Variants in PLCD1 observed in about 807,000 individuals in gnomAD.
PLCD1 encodes phospholipase C delta 1.
In PLCD1, 71 loss-of-function variants were observed where a neutral mutation model predicts 87.4. The ratio of observed to expected loss-of-function variants is 0.81; its 90% CI spans 0.67 to 0.99. The LOEUF is 0.99. Ranked by LOEUF, PLCD1 falls within the 50% of genes least tolerant of loss-of-function variation. PLCD1 has a pLI of 0.00. For synonymous variants in PLCD1, 348 were observed against 399.2 expected (o/e 0.87, Z 1.53); for missense variants, 867 against 1,001.5 (o/e 0.87, Z 1.81).
intron 5 of PLCD1, 50 bp downstream of exon 5, chr3:38,011,164 C>G (rs377416923): frequency 2.1e-6 from 3 of 1,442,086 alleles, no homozygotes; most frequent in African/African-American, 1.4e-5. Context: ...GGTCTCCCAG[C>G]CCAGTGCGGC....
chr3:38,013,639 T>C (rs1296297950), intron 3 of PLCD1, among the ~76,000 whole-genome samples: 1 of 152,222 alleles, frequency 6.6e-6, no homozygotes, highest in Non-Finnish European at 1.5e-5. Flanking sequence ...ATAAACAGCT[T>C]TAATGACTGT....
At position 38,007,538 on chromosome 3, in the gene PLCD1, TG is replaced by T. The variant is rs57208122; in HGVS notation, c.*234del. ...TTTATAAAAATCCTTGACCACTCGCTGGCCGGAGGGTGGAGAGGGCTGCAGT... is the reference window on the plus strand; with the variant it reads ...TTTATAAAAATCCTTGACCACTCGCTGCCGGAGGGTGGAGAGGGCTGCAGT... On this transcript the variant is annotated 3_prime_UTR_variant, in exon 15 of 15. Coordinates refer to ENST00000334661, the MANE Select transcript of PLCD1 (RefSeq NM_006225.4). The T allele has an allele frequency of 0.17, 116,637 of 675,396 alleles. 12,919 individuals carry two copies. The highest frequency in any genetic ancestry group is 0.38 in the African/African-American group (21,613 of 56,184). The allele number at this position is 675,396 out of a possible 1,614,324, so 41.8% of individuals were successfully genotyped here. A position where few individuals can be genotyped will look rare whatever the true frequency, so the allele number is the denominator to read the frequency against.
chr3:38,027,713 C>T (rs1216888464), intron 1 of PLCD1, among the ~76,000 whole-genome samples: 1 of 152,254 alleles, frequency 6.6e-6, no homozygotes, highest in Non-Finnish European at 1.5e-5. Context: ...CACTGTGAAA[C>T]GGATGCAGAC....
In PLCD1 at chr3:38,016,694, C is replaced by A; in HGVS notation, c.225G>T (p.Val75=). Residue 75 remains valine (V), a synonymous_variant, in exon 3 of 15, where the codon GTG becomes GTT. Coordinates refer to ENST00000334661, the MANE Select transcript of PLCD1 (RefSeq NM_006225.4). ...QLFSIEDIQE[V]RMGHRTEGLE... is the part of the protein sequence containing the mutation. ...GACCCTCCGTGCGGTGCCCCATTCG[C>A]ACCTCCTGAATGTCCTCGATGGAGA... 1 of 1,565,966 alleles carries A rather than the reference C, an allele frequency of 6.4e-7. No homozygotes were observed. The highest frequency in any genetic ancestry group is 1.2e-5 in the South Asian group (1 of 85,664).
Position 38,009,159 on chromosome 3 carries a change from C to T in PLCD1, c.1607-1G>A. On this transcript the variant is annotated splice_acceptor_variant, in intron 10 of 14. Transcript: ENST00000334661. LOFTEE classifies it high-confidence loss of function. ...ACGTTGTGGCGGACAAAGCCGTTTC[C>T]TGAGGGGAGGTGTGGTTCGGTCAGC... is the stretch of plus-strand genomic sequence containing the variant. The T allele has an allele frequency of 6.2e-7, 1 of 1,614,126 alleles. No homozygotes were observed. The highest frequency in any genetic ancestry group is 8.5e-7 in the Non-Finnish European group (1 of 1,179,984).
rs373166578 is a variant in PLCD1 at position 38,008,410 on chromosome 3, C to T, written c.1903-43G>A. The T allele has an allele frequency of 3.7e-5, 59 of 1,614,110 alleles. No homozygotes were observed. In the Admixed American group the frequency reaches 5.3e-4, roughly 15 times the overall value. On this transcript the variant is annotated intron_variant, in intron 12 of 14. Transcript: ENST00000334661. ...ACAATGGACAGTTCAGGAGTGGTAGCGGGGAAGGGAGGTCCGTGGGCACCT... is the reference window on the plus strand; with the variant it reads ...ACAATGGACAGTTCAGGAGTGGTAGTGGGGAAGGGAGGTCCGTGGGCACCT...
intron 3 of PLCD1, chr3:38,014,536 C>A (rs1575351212): frequency 6.5e-6 from 1 of 153,632 alleles, no homozygotes; most frequent in East Asian, 1.9e-4. Context: ...TCATCAAAAC[C>A]AAAAACTTTT....
intron 1 of PLCD1, chr3:38,024,447 G>T (rs1700279643): frequency 6.2e-7 from 1 of 1,605,216 alleles, no homozygotes; most frequent in East Asian, 2.3e-5. Flanking sequence ...CCTCCACAGT[G>T]CCCCTGCCTG....
Position 38,016,594 on chromosome 3 carries a change from C to T in PLCD1, c.325G>A (p.Asp109Asn). The change falls in exon 3 of 15, where the codon GAC becomes AAC. Residue 109 changes from aspartate to asparagine, a missense_variant. Asp to Asn is a conservative substitution (Grantham distance 23). Transcript: ENST00000334661. ...IVFKDQRNTLDLIAPSPADAQ... is the reference protein window; with the variant it reads ...IVFKDQRNTLNLIAPSPADAQ... Reference sequence around the variant, plus strand: ...TCAGCTGGCGATGGGGCGATGAGGTCTAGTGTATTGCGCTGGTCCTTGAAG... The same window carrying T: ...TCAGCTGGCGATGGGGCGATGAGGTTTAGTGTATTGCGCTGGTCCTTGAAG... 1.2e-6 allele frequency: 2 copies of T among 1,613,908 alleles called. No homozygotes were observed. The highest frequency in any genetic ancestry group is 2.2e-5 in the South Asian group (2 of 91,018).
Position 38,025,135 on chromosome 3 carries a change from G to C in PLCD1, c.34+4371C>G, listed in dbSNP as rs1462881687. Among the ~76,000 whole-genome samples the C allele has an allele frequency of 1.3e-5, 2 of 152,224 alleles. No individual in the cohort carries two copies. Among genetic ancestry groups the C allele is most frequent in the Non-Finnish European group, 2.9e-5 (2 of 68,040 alleles). On this transcript the variant is annotated intron_variant, in intron 1 of 14. Transcript: ENST00000334661. This position sits in a 1 kb window ranked among gnomAD's most constrained non-coding sequence, Gnocchi z 4.0. ...GCCATACCCAGGAAGCAGCCCGGGG[G>C]CGGGGCCAGGGCCCAGGAGGCGAGC...
rs1004059423 is a variant in PLCD1 at position 38,017,815 on chromosome 3, C to T, written c.200-1096G>A. 3.3e-5 allele frequency among the ~76,000 whole-genome samples: 5 copies of T among 152,222 alleles called. No individual in the cohort carries two copies. The highest frequency in any genetic ancestry group is 3.2e-3 in the Middle Eastern group (1 of 316). ...GGCCCACAGATGTAACATGTGCCAGCCTGGGCTGCAGGCTTTGAGGAGTGG... is the reference window on the plus strand; with the variant it reads ...GGCCCACAGATGTAACATGTGCCAGTCTGGGCTGCAGGCTTTGAGGAGTGG... On this transcript the variant is annotated intron_variant, in intron 2 of 14. Coordinates refer to ENST00000334661, the MANE Select transcript of PLCD1 (RefSeq NM_006225.4). This position sits in a 1 kb window ranked among gnomAD's most constrained non-coding sequence, Gnocchi z 4.7.
chr3:38,017,188 T>C lies in PLCD1; in HGVS notation c.200-469A>G, dbSNP rs1700171280. Among the ~76,000 whole-genome samples, 1 of 151,950 alleles carries C rather than the reference T, an allele frequency of 6.6e-6. No individual in the cohort carries two copies. The highest frequency in any genetic ancestry group is 6.5e-5 in the Admixed American group (1 of 15,270). Reference sequence around the variant, plus strand: ...GCACCCTTCTGACTGTATTGGACTTTGGGTCTGTCCTGACCCGATAAAGCC... The same window carrying C: ...GCACCCTTCTGACTGTATTGGACTTCGGGTCTGTCCTGACCCGATAAAGCC... On this transcript the variant is annotated intron_variant, in intron 2 of 14. Transcript: ENST00000334661. This position sits in a 1 kb window ranked among gnomAD's most constrained non-coding sequence, Gnocchi z 4.7.
chr3:38,010,327 C>G, intron 6 of PLCD1, 34 bp downstream of exon 6: 1 of 1,614,188 alleles, frequency 6.2e-7, no homozygotes, highest in African/African-American at 1.3e-5. Flanking sequence ...CGGGTCCCAC[C>G]CAGACTCCCG....
rs1700262149 is a variant in PLCD1, at chr3:38,023,389, C to A, written c.35-3037G>T. Among the ~76,000 whole-genome samples the A allele has an allele frequency of 2.0e-5, 3 of 152,096 alleles. No homozygotes were observed. In the South Asian group the frequency reaches 6.2e-4, roughly 32 times the overall value. On this transcript the variant is annotated intron_variant, in intron 1 of 14. Coordinates refer to ENST00000334661, the MANE Select transcript of PLCD1 (RefSeq NM_006225.4). ...CACACAACATATAGTGCCAGAGCATCATGATGATGATGATAGAGGCTCCCA... is the reference window on the plus strand; with the variant it reads ...CACACAACATATAGTGCCAGAGCATAATGATGATGATGATAGAGGCTCCCA...
intron 3 of PLCD1, among the ~76,000 whole-genome samples, chr3:38,015,153 A>G (rs970421227): frequency 2.0e-5 from 3 of 152,252 alleles, no homozygotes; most frequent in Admixed American, 1.3e-4. Context: ...TGTTAATATC[A>G]GCATTCTTCA....
At chr3:38,011,502 G>C in intron 4 of PLCD1, 42 bp downstream of exon 4, 1 of 1,613,954 alleles carries the variant, frequency 6.2e-7, no homozygotes, top group Non-Finnish European at 8.5e-7. Flanking sequence ...GGGGTCAAGG[G>C]CCCCATGGAC....
intron 1 of PLCD1, chr3:38,024,771 A>G (rs1234601409): frequency 7.7e-7 from 1 of 1,290,886 alleles, no homozygotes; most frequent in South Asian, 1.4e-5. Context: ...AGAATACAGG[A>G]GGCGGGACGA....
In PLCD1 at chr3:38,025,209, G is replaced by T. The variant is rs1026170287; in HGVS notation, c.34+4297C>A. Among the ~76,000 whole-genome samples the T allele has an allele frequency of 6.6e-6, 1 of 152,102 alleles. No homozygotes were observed. The highest frequency in any genetic ancestry group is 2.4e-5 in the African/African-American group (1 of 41,418). On this transcript the variant is annotated intron_variant, in intron 1 of 14. Transcript: ENST00000334661. This position sits in a 1 kb window ranked among gnomAD's most constrained non-coding sequence, Gnocchi z 4.0. ...GGCGGTGTCCAGGCAGGGAGGGGCGGTCCCTCGGCTTTGGAGGCGGTGCGG... is the reference window on the plus strand; with the variant it reads ...GGCGGTGTCCAGGCAGGGAGGGGCGTTCCCTCGGCTTTGGAGGCGGTGCGG...
At chr3:38,010,838 GC>G (rs1222719875) in intron 5 of PLCD1, among the ~76,000 whole-genome samples, 1 of 152,166 alleles carries the variant, frequency 6.6e-6, no homozygotes, top group African/African-American at 2.4e-5. Context: ...CCAGACTGGA[GC>G]CCCCTCCAGG....
Sources: allele counts gnomAD v4.1 joint callset (sites outside exome capture counted in the v4.1 genomes callset), GRCh38; gene constraint gnomAD v4.1.1; non-coding constraint Gnocchi (gnomAD v3.1); transcripts MANE v1.5; gene names NCBI Gene and HGNC (gene_info 2026-07-23, HGNC 2026-07-21).